PPARGC1A: variants seen among roughly 807,000 people sequenced by gnomAD.
The protein encoded by PPARGC1A is PPARG coactivator 1 alpha.
In PPARGC1A, 25 loss-of-function variants were observed where a neutral mutation model predicts 88.7. The observed-to-expected ratio is 0.28, with a 90% CI of 0.21 to 0.39. The LOEUF (loss-of-function observed/expected upper bound fraction) is 0.39, where lower values mean the gene tolerates loss of function less well. PPARGC1A is among the 10% of genes least tolerant of loss of function. The pLI is 1.00. For missense variants in PPARGC1A, 880 were observed against 968.7 expected, an observed-to-expected ratio of 0.91 and a Z score of 1.22; for synonymous variants, 363 against 355.6, an observed-to-expected ratio of 1.02 and a Z score of -0.24.
chr4:24,220,629 A>T, the PPARGC1A span, among the ~76,000 whole-genome samples: 2 of 152,218 alleles, frequency 1.3e-5, no homozygotes, highest in Non-Finnish European at 2.9e-5. Flanking sequence ...GGAACAAAAA[A>T]ATGAAATAAT....
chr4:24,375,480 G>A, the PPARGC1A span, among the ~76,000 whole-genome samples: 19 of 152,134 alleles, frequency 1.2e-4, no homozygotes, highest in Non-Finnish European at 2.5e-4. Context: ...GCAGTTAAAA[G>A]GAAAATGTCA....
At chr4:24,402,382 G>A in the PPARGC1A span, among the ~76,000 whole-genome samples, 1 of 152,190 alleles carries the variant, frequency 6.6e-6, no homozygotes, top group Non-Finnish European at 1.5e-5. Context: ...GAGCCCAAAC[G>A]GCAACAACAG....
At chr4:24,116,544 A>G in the PPARGC1A span, among the ~76,000 whole-genome samples, 5 of 152,336 alleles carry the variant, frequency 3.3e-5, no homozygotes, top group East Asian at 9.6e-4. Flanking sequence ...AGTGGAAGAC[A>G]GTTCCTTTAA....
chr4:23,812,191 C>A (rs1450908077), intron 10 of PPARGC1A, among the ~76,000 whole-genome samples: 2 of 151,906 alleles, frequency 1.3e-5, no homozygotes, highest in Non-Finnish European at 2.9e-5. Context: ...GATCCACATG[C>A]CTTGGCCTCC....
the PPARGC1A span, among the ~76,000 whole-genome samples, chr4:24,334,320 T>C: frequency 6.6e-6 from 1 of 152,232 alleles, no homozygotes; most frequent in Non-Finnish European, 1.5e-5. Flanking sequence ...GAATAAGCTC[T>C]ACTCGCATTC....
At chr4:24,444,321 C>T in the PPARGC1A span, among the ~76,000 whole-genome samples, 2 of 152,324 alleles carry the variant, frequency 1.3e-5, no homozygotes, top group South Asian at 4.1e-4. Context: ...GTGTGAGCCA[C>T]TGCACCCTGC....
At chr4:24,378,545 A>G in the PPARGC1A span, among the ~76,000 whole-genome samples, 1 of 152,190 alleles carries the variant, frequency 6.6e-6, no homozygotes, top group Non-Finnish European at 1.5e-5. Context: ...ACCGTAACGG[A>G]TAACACTAAA....
In PPARGC1A at chr4:23,815,050, G is replaced by A. The variant is rs191252933; in HGVS notation, c.878-445C>T. ...TTTGTCTGCAAAGAACATTGCAGAG[G>A]ATGCAAGCAGCTCAGGGGTCTTTGT... On this transcript the variant is annotated intron_variant, in intron 7 of 12. Transcript: ENST00000264867. 6.6e-5 allele frequency among the ~76,000 whole-genome samples: 10 copies of A among 151,850 alleles called. No individual in the cohort carries two copies. In the East Asian group the frequency reaches 1.9e-3, roughly 29 times the overall value.
At chr4:24,017,581 A>T in the PPARGC1A span, among the ~76,000 whole-genome samples, 1 of 152,134 alleles carries the variant, frequency 6.6e-6, no homozygotes, top group Non-Finnish European at 1.5e-5. Context: ...GAGAGAAATT[A>T]AGGCAGAAAT....
chr4:24,070,772 A>G, the PPARGC1A span, among the ~76,000 whole-genome samples: 2,089 of 152,306 alleles, frequency 0.014, 51 homozygotes, highest in African/African-American at 0.047. Flanking sequence ...GTTAAAAACA[A>G]TATTTAAAAA....
At chr4:24,228,665 G>GA in the PPARGC1A span, among the ~76,000 whole-genome samples, 2 of 151,546 alleles carry the variant, frequency 1.3e-5, no homozygotes, top group Admixed American at 6.6e-5. Context: ...AGGAAAAAAA[G>GA]AAAAAAAACC....
At chr4:24,385,796 C>G in the PPARGC1A span, among the ~76,000 whole-genome samples, 3 of 152,254 alleles carry the variant, frequency 2.0e-5, no homozygotes, top group South Asian at 4.1e-4. Flanking sequence ...GATTTACAGC[C>G]AAATTGTACC....
chr4:24,077,925 T>C, the PPARGC1A span, among the ~76,000 whole-genome samples: 1 of 152,078 alleles, frequency 6.6e-6, no homozygotes, highest in African/African-American at 2.4e-5. Context: ...TTCTAGTTCA[T>C]TAATTAATTT....
chr4:24,448,322 T>A, the PPARGC1A span, among the ~76,000 whole-genome samples: 1 of 152,198 alleles, frequency 6.6e-6, no homozygotes, highest in Non-Finnish European at 1.5e-5. Flanking sequence ...GCCCACACTC[T>A]TCTTTGTTTA....
At chr4:24,132,647 C>T in the PPARGC1A span, among the ~76,000 whole-genome samples, 1 of 152,208 alleles carries the variant, frequency 6.6e-6, no homozygotes. Flanking sequence ...CCAAAACTGA[C>T]CTTTGCATTG....
the PPARGC1A span, among the ~76,000 whole-genome samples, chr4:24,124,193 C>T: frequency 1.3e-5 from 2 of 152,082 alleles, no homozygotes; most frequent in Non-Finnish European, 2.9e-5. Flanking sequence ...ATGCAAATGT[C>T]GAGGTTTCAC....
chr4:24,177,554 CATGTATACAT>C, the PPARGC1A span, among the ~76,000 whole-genome samples: 4 of 150,360 alleles, frequency 2.7e-5, no homozygotes, highest in African/African-American at 9.8e-5. Context: ...CAACATGGCA[CATGTATACAT>C]ATGTAGTAAC....
the PPARGC1A span, among the ~76,000 whole-genome samples, chr4:24,158,756 A>G: frequency 6.3e-3 from 955 of 152,342 alleles, 7 homozygotes; most frequent in African/African-American, 0.022. Context: ...GAGAAAGGCT[A>G]TAAAGAAAGG....
chr4:24,276,079 A>G, the PPARGC1A span, among the ~76,000 whole-genome samples: 3 of 152,256 alleles, frequency 2.0e-5, no homozygotes, highest in East Asian at 1.9e-4. Context: ...TTAGCCATCC[A>G]GGAAGCAGAG....
Sources: allele counts gnomAD v4.1 joint callset (sites outside exome capture counted in the v4.1 genomes callset), GRCh38; gene constraint gnomAD v4.1.1; transcripts MANE v1.5; gene names NCBI Gene and HGNC (gene_info 2026-07-23, HGNC 2026-07-21).